The following TUSC3 variants were observed in gnomAD, a reference collection of about 807,000 sequenced individuals.
TUSC3 encodes the protein tumor suppressor candidate 3.
TUSC3 carries 45 observed loss-of-function variants against 44.8 expected under a neutral mutation model. That is an observed-to-expected ratio of 1.00 (90% CI 0.79 to 1.29). The LOEUF (loss-of-function observed/expected upper bound fraction) is 1.29. Ranked by LOEUF, TUSC3 falls within the 50% of genes most tolerant of loss-of-function variation. The pLI is 0.00. For missense variants in TUSC3, 519 were observed against 437.9 expected, an observed-to-expected ratio of 1.19 and a Z score of -1.65; for synonymous variants, 212 against 152.9, an observed-to-expected ratio of 1.39 and a Z score of -2.85.
intron 2 of TUSC3, among the ~76,000 whole-genome samples, chr8:15,495,116 G>C (rs1383533407): frequency 6.6e-6 from 1 of 151,874 alleles, no homozygotes; most frequent in Admixed American, 6.5e-5. Context: ...AGTATTCCCT[G>C]GTGTATATGT....
intron 2 of TUSC3, among the ~76,000 whole-genome samples, chr8:15,489,102 G>T (rs1485101847): frequency 6.6e-6 from 1 of 152,158 alleles, no homozygotes. Flanking sequence ...GAAAACATGT[G>T]TCCAACATGG....
intron 6 of TUSC3, among the ~76,000 whole-genome samples, chr8:15,677,784 G>T (rs137981186): frequency 1.5e-4 from 23 of 152,318 alleles, no homozygotes; most frequent in African/African-American, 5.3e-4. Context: ...AAGGTGGGGA[G>T]TAGTAAGATA....
At chr8:15,642,290 G>A (rs185337866) in intron 2 of TUSC3, among the ~76,000 whole-genome samples, 4 of 152,104 alleles carry the variant, frequency 2.6e-5, no homozygotes, top group South Asian at 2.1e-4. Flanking sequence ...TTTAAGAATA[G>A]TATGTGAATC....
intron 6 of TUSC3, among the ~76,000 whole-genome samples, chr8:15,690,001 C>T (rs1203022026): frequency 6.6e-6 from 1 of 151,858 alleles, no homozygotes; most frequent in Non-Finnish European, 1.5e-5. Flanking sequence ...TATGGTAGAA[C>T]AATTTATATT....
At chr8:15,457,019 A>T (rs114666847) in intron 1 of TUSC3, among the ~76,000 whole-genome samples, 3,440 of 152,224 alleles carry the variant, frequency 0.023, 148 homozygotes, top group African/African-American at 0.079. Flanking sequence ...AACTCTATAA[A>T]TTATCAAGAA....
rs560942084 is a variant in TUSC3, at chr8:15,623,373, C to T, written c.308+124C>T. On this transcript the variant is annotated intron_variant, in intron 2 of 10. Transcript: ENST00000503731. ...TGTTTAATAGTCAAATATAACTGTG[C>T]ATTTAAAAATAAGCTGAAAAATCAG... is the stretch of plus-strand genomic sequence containing the variant. The T allele has an allele frequency of 2.7e-5, 27 of 999,200 alleles. No homozygotes were observed. In the South Asian group the frequency reaches 7.4e-4, roughly 27 times the overall value. The allele number at this position is 999,200 out of a possible 1,614,324, so 61.9% of individuals were successfully genotyped here. A position where few individuals can be genotyped will look rare whatever the true frequency, so the allele number is the denominator to read the frequency against.
rs371603910 is a variant in TUSC3 at position 15,450,083 on chromosome 8, C to T, written n.91+32778C>T. 7.0e-4 allele frequency among the ~76,000 whole-genome samples: 106 copies of T among 152,218 alleles called. No homozygotes were observed. In the South Asian group the frequency reaches 1.0e-2, roughly 14 times the overall value. ...AACAATGCATTTCTCAGAACGTATT[C>T]TTGTCATTGAGTGACACATGACGAC... On this transcript the variant is annotated intron_variant and non_coding_transcript_variant, in intron 1 of 5. Coordinates refer to the TUSC3 transcript ENST00000503191.
chr8:15,812,130 G>A, the TUSC3 span, among the ~76,000 whole-genome samples: 8 of 152,172 alleles, frequency 5.3e-5, no homozygotes, highest in Admixed American at 5.2e-4. Flanking sequence ...TAATTGTATT[G>A]TCAGCAGGCA....
chr8:15,734,918 A>T (rs1207728358), intron 7 of TUSC3, among the ~76,000 whole-genome samples: 1 of 152,212 alleles, frequency 6.6e-6, no homozygotes, highest in Admixed American at 6.5e-5. Flanking sequence ...AGGCTGGATA[A>T]TGAAGACCTT....
intron 6 of TUSC3, among the ~76,000 whole-genome samples, chr8:15,679,797 C>T (rs892731698): frequency 6.6e-6 from 1 of 152,070 alleles, no homozygotes; most frequent in Non-Finnish European, 1.5e-5. Flanking sequence ...GAGTTTCATT[C>T]TTTTGCATAT....
rs1212808554 is a variant in TUSC3 at position 15,523,658 on chromosome 8, ATATATATGTGTGTGTGTGTGTGTGTG to A, written n.189+40177_189+40202del. 2.0e-3 allele frequency among the ~76,000 whole-genome samples: 42 copies of A among 21,316 alleles called. 4 individuals are homozygous for A. Among genetic ancestry groups the A allele is most frequent in the African/African-American group, 3.7e-3 (37 of 10,104 alleles). 14.0% of individuals were successfully genotyped at this position (21,316 alleles called of 152,430 possible). On this transcript the variant is annotated intron_variant and non_coding_transcript_variant, in intron 2 of 5. Transcript: ENST00000503191. ...TAAAAACATATATATATATATATAT[ATATATATGTGTGTGTGTGTGTGTGTG>A]TGTGTGTGTGTGTGTGTGTGTGTGT...
intron 6 of TUSC3, among the ~76,000 whole-genome samples, chr8:15,700,184 A>C: frequency 6.6e-6 from 1 of 152,188 alleles, no homozygotes; most frequent in East Asian, 1.9e-4. Context: ...AGCCAGTTGC[A>C]CTGACTCAGA....
chr8:15,661,197 T>C (rs1204721986), intron 4 of TUSC3, among the ~76,000 whole-genome samples: 1 of 152,000 alleles, frequency 6.6e-6, no homozygotes, highest in East Asian at 1.9e-4. Context: ...TAGGTTTACA[T>C]TTACATAATA....
the TUSC3 span, among the ~76,000 whole-genome samples, chr8:15,849,653 C>A: frequency 1.3e-5 from 2 of 152,126 alleles, no homozygotes. Context: ...ACTAGCAAAT[C>A]CTGTAAGAAT....
chr8:15,524,627 G>C (rs1227847206), intron 2 of TUSC3, among the ~76,000 whole-genome samples: 2 of 152,164 alleles, frequency 1.3e-5, no homozygotes, highest in African/African-American at 4.8e-5. Context: ...GACCATGTGT[G>C]ACTTCCTTGT....
chr8:15,707,943 G>A (rs1379303009), intron 6 of TUSC3, among the ~76,000 whole-genome samples: 1 of 151,786 alleles, frequency 6.6e-6, no homozygotes, highest in East Asian at 1.9e-4. Context: ...GCGTTCCTTG[G>A]CTTGTATTAA....
At chr8:15,610,835 C>T (rs758735989) in intron 1 of TUSC3, among the ~76,000 whole-genome samples, 1 of 152,062 alleles carries the variant, frequency 6.6e-6, no homozygotes, top group Non-Finnish European at 1.5e-5. Flanking sequence ...AGGATGCTCT[C>T]CGGGGTACAA....
At position 15,507,012 on chromosome 8, in the gene TUSC3, C is replaced by G. The variant is rs1010029531; in HGVS notation, n.189+23529C>G. 4.6e-5 allele frequency among the ~76,000 whole-genome samples: 7 copies of G among 152,184 alleles called. No homozygotes were observed. In the South Asian group the frequency reaches 6.2e-4, roughly 14 times the overall value. On this transcript the variant is annotated intron_variant and non_coding_transcript_variant, in intron 2 of 5. Coordinates refer to the TUSC3 transcript ENST00000503191. ...TGTTTAACTTAAACATGAAAATGGACAATTTCCTCTGTATCTTTGGGTCTT... is the reference window on the plus strand; with the variant it reads ...TGTTTAACTTAAACATGAAAATGGAGAATTTCCTCTGTATCTTTGGGTCTT...
chr8:15,790,362 TTTA>T, the TUSC3 span, among the ~76,000 whole-genome samples: 1 of 151,872 alleles, frequency 6.6e-6, no homozygotes, highest in African/African-American at 2.4e-5. Flanking sequence ...ATTTTTTACT[TTTA>T]GTAGAGATAG....
Sources: allele counts gnomAD v4.1 joint callset (sites outside exome capture counted in the v4.1 genomes callset), GRCh38; gene constraint gnomAD v4.1.1; transcripts MANE v1.5; gene names NCBI Gene and HGNC (gene_info 2026-07-23, HGNC 2026-07-21).